ZBTB20: variants seen among roughly 807,000 people sequenced by gnomAD.
ZBTB20 encodes the protein zinc finger and BTB domain containing 20.
Under a neutral mutation model 56.9 loss-of-function variants are expected in ZBTB20, and 9 were observed. That is an observed-to-expected ratio of 0.16 (90% CI 0.10 to 0.28). The LOEUF (loss-of-function observed/expected upper bound fraction) is 0.28, where lower values mean the gene tolerates loss of function less well. Among genes scored for constraint, ZBTB20 ranks in the 10% least tolerant of loss-of-function variants. The pLI is 1.00. For synonymous variants in ZBTB20, 417 were observed against 420.7 expected, an observed-to-expected ratio of 0.99 and a Z score of 0.11; for missense variants, 655 against 1,003.0, an observed-to-expected ratio of 0.65 and a Z score of 4.69.
intron 1 of ZBTB20, among the ~76,000 whole-genome samples, chr3:115,101,716 A>T (rs181652369): frequency 4.6e-5 from 7 of 152,324 alleles, no homozygotes; most frequent in Admixed American, 2.6e-4. Flanking sequence ...AAAAAATATA[A>T]GTGCATTTGA....
intron 4 of ZBTB20, among the ~76,000 whole-genome samples, chr3:114,888,921 T>C (rs1475689214): frequency 6.6e-6 from 1 of 152,156 alleles, no homozygotes; most frequent in Non-Finnish European, 1.5e-5. Flanking sequence ...AAATCTTAAC[T>C]TTCAGATAGT....
At chr3:114,745,369 G>A (rs2108617251) in intron 5 of ZBTB20, among the ~76,000 whole-genome samples, 1 of 152,206 alleles carries the variant, frequency 6.6e-6, no homozygotes, top group Non-Finnish European at 1.5e-5. Flanking sequence ...CCTCGTCCAT[G>A]GTTACTCTCC....
intron 7 of ZBTB20, among the ~76,000 whole-genome samples, chr3:114,411,726 G>C (rs1326406247): frequency 6.6e-6 from 1 of 152,066 alleles, no homozygotes; most frequent in Non-Finnish European, 1.5e-5. Flanking sequence ...CCCTCACAAG[G>C]GAGGGAAGGG....
chr3:114,645,046 G>A (rs940130591), intron 6 of ZBTB20, among the ~76,000 whole-genome samples: 1 of 151,664 alleles, frequency 6.6e-6, no homozygotes, highest in Non-Finnish European at 1.5e-5. Context: ...ATATAATATA[G>A]TTTATTGCAC....
chr3:115,106,869 C>T (rs935444641), intron 1 of ZBTB20, among the ~76,000 whole-genome samples: 1 of 152,206 alleles, frequency 6.6e-6, no homozygotes, highest in Non-Finnish European at 1.5e-5. Flanking sequence ...TCTGGCAGTA[C>T]ACCTGTAATA....
intron 5 of ZBTB20, chr3:114,743,859 A>G (rs1440225503): frequency 6.6e-6 from 1 of 152,168 alleles, no homozygotes; most frequent in Non-Finnish European, 1.5e-5. Flanking sequence ...AAATTCTCTC[A>G]CAGAGATATT....
chr3:115,005,112 G>C (rs377285604), intron 2 of ZBTB20, among the ~76,000 whole-genome samples: 106 of 151,392 alleles, frequency 7.0e-4, no homozygotes, highest in Middle Eastern at 3.4e-3. Flanking sequence ...CAAAGGAGAG[G>C]GATTCTTACC....
chr3:114,575,122 G>C (rs970672016), intron 6 of ZBTB20, among the ~76,000 whole-genome samples: 1 of 152,152 alleles, frequency 6.6e-6, no homozygotes, highest in Admixed American at 6.5e-5. Context: ...ACTAGGACTA[G>C]AAACTAAGTT....
chr3:114,362,709 G>C lies in ZBTB20; in HGVS notation c.200-10831C>G, dbSNP rs544255423. On this transcript the variant is annotated intron_variant, in intron 10 of 11. Coordinates refer to ENST00000675478, the MANE Select transcript of ZBTB20 (RefSeq NM_001348800.3). ...CTCCCTGATTCCATTTCCCCAGAGA[G>C]ACAGCTCACTGGGTCCCCCTGTCAA... 2.0e-5 allele frequency among the ~76,000 whole-genome samples: 3 copies of C among 152,266 alleles called. No homozygotes were observed. In the East Asian group the frequency reaches 5.8e-4, roughly 29 times the overall value.
intron 6 of ZBTB20, among the ~76,000 whole-genome samples, chr3:114,686,771 C>G (rs1337469062): frequency 6.6e-6 from 1 of 152,102 alleles, no homozygotes; most frequent in Non-Finnish European, 1.5e-5. Flanking sequence ...TTGTTTTGAT[C>G]TACATATCTC....
chr3:114,737,375 C>T (rs543814357), intron 5 of ZBTB20, among the ~76,000 whole-genome samples: 2 of 151,946 alleles, frequency 1.3e-5, no homozygotes, highest in East Asian at 3.9e-4. Context: ...AAACTAAAAA[C>T]AAAAATACTG....
chr3:114,377,860 C>T (rs763126757), intron 10 of ZBTB20, among the ~76,000 whole-genome samples: 2 of 152,026 alleles, frequency 1.3e-5, no homozygotes, highest in African/African-American at 4.8e-5. Context: ...TAAATCATGA[C>T]TAAGAATAAT....
At chr3:115,067,135 A>G (rs903890845) in intron 2 of ZBTB20, among the ~76,000 whole-genome samples, 4 of 152,084 alleles carry the variant, frequency 2.6e-5, no homozygotes, top group Admixed American at 2.6e-4. Context: ...TAAGAAATGT[A>G]CTATACCATA....
chr3:115,118,173 T>G (rs1057272469), intron 1 of ZBTB20, among the ~76,000 whole-genome samples: 1 of 152,176 alleles, frequency 6.6e-6, no homozygotes, highest in Non-Finnish European at 1.5e-5. Flanking sequence ...TTCTCAAATT[T>G]TGTTGTATTG....
intron 1 of ZBTB20, among the ~76,000 whole-genome samples, chr3:115,120,352 A>G (rs1005202686): frequency 3.9e-5 from 6 of 152,138 alleles, no homozygotes; most frequent in Admixed American, 1.3e-4. Flanking sequence ...AAAAAAATCA[A>G]GTCTATTAAA....
intron 1 of ZBTB20, among the ~76,000 whole-genome samples, chr3:115,077,091 G>A (rs1386225101): frequency 2.0e-5 from 3 of 152,192 alleles, no homozygotes; most frequent in African/African-American, 4.8e-5. Context: ...TTACTGGTCT[G>A]CAGCCTGGGG....
intron 2 of ZBTB20, among the ~76,000 whole-genome samples, chr3:115,015,523 T>C (rs975642608): frequency 1.3e-5 from 2 of 151,748 alleles, no homozygotes; most frequent in African/African-American, 2.4e-5. Flanking sequence ...CATGTGTCCA[T>C]GTGTTCTCAT....
rs200153232 is a variant in ZBTB20, at chr3:114,604,676, T to TA, written c.-295+88851dup. On this transcript the variant is annotated intron_variant, in intron 6 of 11. Transcript: ENST00000675478. ...GCAGCCAATATCTGGGTAAACGTGG[T>TA]AAAAAAAACTTGGCAGTTTGGTCCA... Among the ~76,000 whole-genome samples the TA allele has an allele frequency of 8.8e-3, 1,332 of 152,006 alleles. 26 individuals are homozygous for TA. Among genetic ancestry groups the TA allele is most frequent in the African/African-American group, 0.03 (1,228 of 41,504 alleles).
intron 3 of ZBTB20, among the ~76,000 whole-genome samples, chr3:114,959,404 G>A (rs1576426549): frequency 6.6e-6 from 1 of 152,100 alleles, no homozygotes; most frequent in Non-Finnish European, 1.5e-5. Context: ...ATAGTGGAAT[G>A]TCTAAGGGGA....
Sources: allele counts gnomAD v4.1 joint callset (sites outside exome capture counted in the v4.1 genomes callset), GRCh38; gene constraint gnomAD v4.1.1; transcripts MANE v1.5; gene names NCBI Gene and HGNC (gene_info 2026-07-23, HGNC 2026-07-21).